NUP160: variants seen among roughly 807,000 people sequenced by gnomAD.
NUP160 encodes nuclear pore complex protein Nup160.
A neutral mutation model predicts 196.9 loss-of-function variants in NUP160; 94 were observed. That is an observed-to-expected ratio of 0.48 (90% CI 0.40 to 0.57). NUP160 has a LOEUF of 0.57. Ranked by LOEUF, NUP160 falls within the 20% of genes least tolerant of loss-of-function variation. The pLI is 0.00. For synonymous variants in NUP160, 605 were observed against 619.7 expected (o/e 0.98, Z 0.35); for missense variants, 1,638 against 1,748.3 (o/e 0.94, Z 1.13).
chr11:47,846,450 A>T (rs1283853935), intron 2 of NUP160, among the ~76,000 whole-genome samples: 1 of 152,102 alleles, frequency 6.6e-6, no homozygotes, highest in Non-Finnish European at 1.5e-5. Flanking sequence ...TCTTCCGGGT[A>T]TCTCTGTAAA....
At chr11:47,806,130 C>A in intron 20 of NUP160, 23 bp downstream of exon 20, 1 of 1,611,466 alleles carries the variant, frequency 6.2e-7, no homozygotes. Flanking sequence ...GAGCTTTTCA[C>A]TGGCTTCTAA....
intron 7 of NUP160, among the ~76,000 whole-genome samples, chr11:47,822,938 A>G: frequency 6.6e-6 from 1 of 152,216 alleles, no homozygotes; most frequent in East Asian, 1.9e-4. Flanking sequence ...CATGGTGTAT[A>G]TGTGCCACAT....
intron 15 of NUP160, 100 bp from the exon 16 acceptor site, chr11:47,812,529 A>G: frequency 8.4e-7 from 1 of 1,191,092 alleles, no homozygotes; most frequent in South Asian, 1.5e-5. Flanking sequence ...AGAGAACCAG[A>G]TAAAGGAATG....
chr11:47,821,526 C>A, intron 9 of NUP160, 198 bp downstream of exon 9: 2 of 522,988 alleles, frequency 3.8e-6, no homozygotes, highest in Non-Finnish European at 6.8e-6. Flanking sequence ...CCAGGCCCAG[C>A]TAATTTTTTG....
chr11:47,830,920 T>C (rs916965105), intron 7 of NUP160, among the ~76,000 whole-genome samples: 7 of 151,344 alleles, frequency 4.6e-5, no homozygotes, highest in Non-Finnish European at 7.4e-5. Flanking sequence ...TCCCAGCACT[T>C]TGGGAAGCTG....
At chr11:47,819,573 T>G (rs1851815570) in intron 9 of NUP160, 115 bp from the exon 10 acceptor site, 2 of 565,808 alleles carry the variant, frequency 3.5e-6, no homozygotes, top group Admixed American at 2.9e-5. Context: ...CAATGACTGC[T>G]TCATCAATTC....
At position 47,783,049 on chromosome 11, in the gene NUP160, TGGGGA is replaced by T; in HGVS notation, c.4116+19_4116+23del. 1.2e-6 allele frequency: 2 copies of T among 1,600,252 alleles called. No individual in the cohort carries two copies. The highest frequency in any genetic ancestry group is 3.4e-5 in the Admixed American group (2 of 59,042). Reference sequence around the variant, plus strand: ...AATCGTAAGTCAAACCATTGTAAATTGGGGACCATTTGTATATGCCTACCTCAATT... The same window carrying T: ...AATCGTAAGTCAAACCATTGTAAATTCCATTTGTATATGCCTACCTCAATT... On this transcript the variant is annotated intron_variant, in intron 34 of 35. Transcript: ENST00000378460.
intron 23 of NUP160, among the ~76,000 whole-genome samples, chr11:47,801,221 T>C (rs999768391): frequency 6.6e-6 from 1 of 152,220 alleles, no homozygotes; most frequent in Non-Finnish European, 1.5e-5. Flanking sequence ...AAAATTCTAA[T>C]GGCAACTGGG....
chr11:47,828,058 A>G (rs1469676992), intron 7 of NUP160, among the ~76,000 whole-genome samples: 1 of 152,274 alleles, frequency 6.6e-6, no homozygotes, highest in East Asian at 1.9e-4. Flanking sequence ...TTGTAGAGAC[A>G]GGGTTTCGCC....
intron 9 of NUP160, among the ~76,000 whole-genome samples, chr11:47,819,961 C>T (rs1379464825): frequency 6.6e-6 from 1 of 152,198 alleles, no homozygotes; most frequent in Non-Finnish European, 1.5e-5. Flanking sequence ...ACTCTGCAGC[C>T]TGTGCTTTCT....
chr11:47,840,487 G>C, exon 3 of NUP160: 1 of 1,614,088 alleles, frequency 6.2e-7, no homozygotes, highest in Non-Finnish European at 8.5e-7. Context: ...AACCCCTCCA[G>C]GTAAAACACT....
chr11:47,804,117 G>C, intron 21 of NUP160, among the ~76,000 whole-genome samples: 1 of 151,710 alleles, frequency 6.6e-6, no homozygotes, highest in East Asian at 1.9e-4. Flanking sequence ...GGAGGTGGAG[G>C]CTGCAGTGAG....
Position 47,801,946 on chromosome 11 carries a change from A to G in NUP160, c.2776-16T>C, listed in dbSNP as rs763841043. The G allele has an allele frequency of 3.1e-6, 5 of 1,613,310 alleles. No individual in the cohort carries two copies. The highest frequency in any genetic ancestry group is 4.2e-6 in the Non-Finnish European group (5 of 1,179,442). On this transcript the variant is annotated splice_polypyrimidine_tract_variant and intron_variant, in intron 22 of 35. Coordinates refer to ENST00000378460, the Ensembl canonical transcript of NUP160. ...ATTCCAGAGCCTGGAGAAATAAAAT[A>G]TAAAATGACTTGTAACAGATCATTC...
exon 10 of NUP160, chr11:47,819,402 A>G (rs774372870): frequency 6.2e-7 from 1 of 1,613,486 alleles, no homozygotes; most frequent in South Asian, 1.1e-5. Context: ...TCTGATGACA[A>G]TCTCTTCCTC....
chr11:47,780,275 T>A, intron 35 of NUP160, 68 bp downstream of exon 35: 1 of 1,106,346 alleles, frequency 9.0e-7, no homozygotes, highest in African/African-American at 1.5e-5. Context: ...GAACTGAAGA[T>A]CAAGCTGTAA....
intron 18 of NUP160, among the ~76,000 whole-genome samples, chr11:47,807,886 G>A (rs1219300366): frequency 6.6e-6 from 1 of 152,166 alleles, no homozygotes; most frequent in Non-Finnish European, 1.5e-5. Context: ...GATTACATGT[G>A]ACTTATTTTC....
intron 10 of NUP160, among the ~76,000 whole-genome samples, chr11:47,818,503 T>C (rs1851784139): frequency 6.6e-6 from 1 of 151,168 alleles, no homozygotes; most frequent in Non-Finnish European, 1.5e-5. Flanking sequence ...GACTCACATG[T>C]AAAAGAAATG....
chr11:47,830,537 C>T (rs1341436866), intron 7 of NUP160, among the ~76,000 whole-genome samples: 2 of 152,160 alleles, frequency 1.3e-5, no homozygotes, highest in East Asian at 3.9e-4. Flanking sequence ...CAAAAAAGAA[C>T]GAGATCATGT....
chr11:47,802,557 A>G, intron 22 of NUP160, among the ~76,000 whole-genome samples: 1 of 152,220 alleles, frequency 6.6e-6, no homozygotes, highest in Middle Eastern at 3.2e-3. Flanking sequence ...GTTCACTGTA[A>G]AAAGTCTTTA....
Sources: allele counts gnomAD v4.1 joint callset (sites outside exome capture counted in the v4.1 genomes callset), GRCh38; gene constraint gnomAD v4.1.1; transcripts MANE v1.5; gene names NCBI Gene and HGNC (gene_info 2026-07-23, HGNC 2026-07-21).